PKP4: variants seen among roughly 807,000 people sequenced by gnomAD.
PKP4 encodes plakophilin 4.
Under a neutral mutation model 145.1 loss-of-function variants are expected in PKP4, and 90 were observed. The ratio of observed to expected loss-of-function variants is 0.62; its 90% CI spans 0.52 to 0.74. The LOEUF (loss-of-function observed/expected upper bound fraction) is 0.74. Ranked by LOEUF, PKP4 falls within the 30% of genes least tolerant of loss-of-function variation. The pLI is 0.00. For synonymous variants in PKP4, 563 were observed against 577.2 expected (o/e 0.98, Z 0.35); for missense variants, 1,340 against 1,482.7 (o/e 0.90, Z 1.58).
intron 2 of PKP4, among the ~76,000 whole-genome samples, chr2:158,545,573 A>G (rs1199416729): frequency 6.6e-6 from 1 of 152,160 alleles, no homozygotes; most frequent in East Asian, 1.9e-4. Flanking sequence ...ATAATCTTAT[A>G]CTTATTTAAA....
At chr2:158,642,410 T>A in intron 10 of PKP4, 76 bp from the exon 11 acceptor site, 1 of 1,075,148 alleles carries the variant, frequency 9.3e-7, no homozygotes, top group East Asian at 2.4e-5. Context: ...CTGTGATCTC[T>A]CCATAACGGA....
intron 1 of PKP4, among the ~76,000 whole-genome samples, chr2:158,530,504 C>CCTT (rs1212931869): frequency 3.3e-5 from 3 of 92,152 alleles, no homozygotes; most frequent in African/African-American, 1.3e-4. Flanking sequence ...CTCTTTCTTT[C>CCTT]TTTTTTTTTT....
intron 4 of PKP4, among the ~76,000 whole-genome samples, chr2:158,616,239 T>C (rs1199812289): frequency 3.3e-5 from 5 of 152,204 alleles, no homozygotes; most frequent in African/African-American, 1.2e-4. Context: ...ATGATAAGCA[T>C]ACCTGCTATA....
Position 158,631,961 on chromosome 2 carries a change from A to G in PKP4, c.1342+20A>G. ...GTTCAGGTGGGCATCAACTCTGTTT[A>G]CTGGTTTCCTGATTTCATAGGCCCC... is the stretch of plus-strand genomic sequence containing the variant. On this transcript the variant is annotated intron_variant, in intron 8 of 21. Coordinates refer to ENST00000389759, the MANE Select transcript of PKP4 (RefSeq NM_003628.6). The G allele has an allele frequency of 6.2e-7, 1 of 1,609,498 alleles. No individual in the cohort carries two copies. Among genetic ancestry groups the G allele is most frequent in the Non-Finnish European group, 8.5e-7 (1 of 1,177,026 alleles).
At chr2:158,676,514 T>TTGAC (rs1273911246) in intron 19 of PKP4, among the ~76,000 whole-genome samples, 6 of 152,214 alleles carry the variant, frequency 3.9e-5, no homozygotes, top group Non-Finnish European at 7.3e-5. Flanking sequence ...AGCCCCGGTG[T>TTGAC]TGACTTTGCT....
chr2:158,519,523 G>C (rs2042188264), intron 1 of PKP4, among the ~76,000 whole-genome samples: 3 of 152,106 alleles, frequency 2.0e-5, no homozygotes, highest in African/African-American at 7.2e-5. Flanking sequence ...ATTGGCCCCA[G>C]GCCTGAGAGC....
chr2:158,508,870 T>C (rs1199415986), intron 1 of PKP4, among the ~76,000 whole-genome samples: 3 of 152,200 alleles, frequency 2.0e-5, no homozygotes, highest in Non-Finnish European at 2.9e-5. Flanking sequence ...TGGAAAGTCA[T>C]CTAACATGTG....
At chr2:158,572,531 GC>G (rs2047497468) in intron 2 of PKP4, among the ~76,000 whole-genome samples, 1 of 152,172 alleles carries the variant, frequency 6.6e-6, no homozygotes, top group South Asian at 2.1e-4. Context: ...ACAGCTCCAT[GC>G]CACAGGCATT....
At position 158,625,445 on chromosome 2, in the gene PKP4, G is replaced by A. The variant is rs973407729; in HGVS notation, c.1153+18G>A. On this transcript the variant is annotated intron_variant, in intron 7 of 21. Transcript: ENST00000389759. The stretch of plus-strand genomic sequence containing the variant: ...CCTGACAGGTGCGTACAAGGTGACA[G>A]TGCTACATAAAACCCAGTGAGGAAA... 1.3e-6 allele frequency: 2 copies of A among 1,573,518 alleles called. No homozygotes were observed. Among genetic ancestry groups the A allele is most frequent in the African/African-American group, 2.7e-5 (2 of 74,244 alleles).
chr2:158,642,264 TC>T (rs2054359775), intron 10 of PKP4, among the ~76,000 whole-genome samples: 1 of 152,184 alleles, frequency 6.6e-6, no homozygotes, highest in African/African-American at 2.4e-5. Flanking sequence ...CCTCAAGTGA[TC>T]CGCCCATCTT....
At chr2:158,468,998 C>T (rs755339010) in intron 1 of PKP4, among the ~76,000 whole-genome samples, 3 of 151,900 alleles carry the variant, frequency 2.0e-5, no homozygotes, top group South Asian at 2.1e-4. Context: ...AGACTGGTCT[C>T]GAACTCCTGG....
At chr2:158,611,539 A>G (rs975852850) in intron 4 of PKP4, among the ~76,000 whole-genome samples, 1 of 152,200 alleles carries the variant, frequency 6.6e-6, no homozygotes, top group African/African-American at 2.4e-5. Context: ...TTTTTCCTCC[A>G]TCTGGTGCAA....
chr2:158,521,987 A>AT (rs1559263153), intron 1 of PKP4, among the ~76,000 whole-genome samples: 1 of 152,144 alleles, frequency 6.6e-6, no homozygotes, highest in African/African-American at 2.4e-5. Context: ...GTTCTTAGGC[A>AT]TCATTATTTT....
At chr2:158,559,804 T>G (rs564809658) in intron 2 of PKP4, among the ~76,000 whole-genome samples, 49 of 152,090 alleles carry the variant, frequency 3.2e-4, no homozygotes, top group Non-Finnish European at 5.9e-5. Flanking sequence ...ATTAAGACTT[T>G]GGGTTGCTTT....
intron 2 of PKP4, among the ~76,000 whole-genome samples, chr2:158,539,426 CT>C (rs1161072210): frequency 6.6e-6 from 1 of 152,150 alleles, no homozygotes; most frequent in East Asian, 1.9e-4. Context: ...TGTTTGGCCC[CT>C]ATGCTTATTT....
At chr2:158,607,836 A>G (rs1348490804) in intron 4 of PKP4, among the ~76,000 whole-genome samples, 1 of 152,116 alleles carries the variant, frequency 6.6e-6, no homozygotes, top group African/African-American at 2.4e-5. Flanking sequence ...GATTATGAAG[A>G]CACATTAATT....
chr2:158,615,541 C>T (rs773140816), intron 4 of PKP4, among the ~76,000 whole-genome samples: 14 of 152,080 alleles, frequency 9.2e-5, no homozygotes, highest in Non-Finnish European at 1.8e-4. Flanking sequence ...AAATACTTAA[C>T]ACTCATTTTT....
At chr2:158,478,330 G>T (rs1490995963) in intron 1 of PKP4, among the ~76,000 whole-genome samples, 1 of 151,858 alleles carries the variant, frequency 6.6e-6, no homozygotes, top group African/African-American at 2.4e-5. Context: ...GTAAAATGGG[G>T]TTTTCACAAG....
At chr2:158,532,519 G>A (rs149273738) in intron 1 of PKP4, among the ~76,000 whole-genome samples, 7 of 152,218 alleles carry the variant, frequency 4.6e-5, no homozygotes, top group African/African-American at 9.6e-5. Context: ...ACTAATCATC[G>A]TTTCCCCCTA....
Sources: allele counts gnomAD v4.1 joint callset (sites outside exome capture counted in the v4.1 genomes callset), GRCh38; gene constraint gnomAD v4.1.1; transcripts MANE v1.5; gene names NCBI Gene and HGNC (gene_info 2026-07-23, HGNC 2026-07-21).